LRP1B: variants seen among roughly 807,000 people sequenced by gnomAD.
LRP1B encodes the protein LDL receptor related protein 1B, also known as low-density lipoprotein receptor-related protein 1B.
In LRP1B, 217 loss-of-function variants were observed where a neutral mutation model predicts 556.6. The ratio of observed to expected loss-of-function variants is 0.39; its 90% CI spans 0.35 to 0.44. LRP1B has a LOEUF of 0.44. Ranked by LOEUF, LRP1B falls within the 20% of genes least tolerant of loss-of-function variation. LRP1B has a pLI of 1.00. For missense variants in LRP1B, 5,053 were observed against 5,620.8 expected (o/e 0.90, Z 3.23); for synonymous variants, 2,047 against 1,865.8 (o/e 1.10, Z -2.50).
chr2:142,002,475 G>A (rs571792595), intron 1 of LRP1B, among the ~76,000 whole-genome samples: 1 of 151,698 alleles, frequency 6.6e-6, no homozygotes, highest in South Asian at 2.1e-4. Context: ...AAGGATAAGT[G>A]CTGCTAGCCC....
rs1030060640 is a variant in LRP1B at position 142,056,385 on chromosome 2, C to T, written c.82+74263G>A. Among the ~76,000 whole-genome samples, 5 of 151,898 alleles carry T rather than the reference C, an allele frequency of 3.3e-5. No individual in the cohort carries two copies. In the East Asian group the frequency reaches 5.8e-4, roughly 18 times the overall value. On this transcript the variant is annotated intron_variant, in intron 1 of 90. Coordinates refer to ENST00000389484, the MANE Select transcript of LRP1B (RefSeq NM_018557.3). ...ATGATGCCAGAGAAAACAATTCTGT[C>T]CTAATTATATGGGGAGTCACAAAAC...
Position 141,639,349 on chromosome 2 carries a change from T to TATATACACACAC in LRP1B, c.206-158817_206-158816insGTGTGTGTATAT, listed in dbSNP as rs1262198983. Among the ~76,000 whole-genome samples the TATATACACACAC allele has an allele frequency of 3.0e-3, 167 of 56,062 alleles. 2 individuals carry two copies. The highest frequency in any genetic ancestry group is 4.0e-3 in the Non-Finnish European group (125 of 31,290). The allele number at this position is 56,062 out of a possible 152,430, so 36.8% of individuals were successfully genotyped here. A position where few individuals can be genotyped will look rare whatever the true frequency, so the allele number is the denominator to read the frequency against. Reference sequence around the variant, plus strand: ...ATATATATATATATATATATATATATACACACACACACACATATATATATA... The same window carrying TATATACACACAC: ...ATATATATATATATATATATATATATATATACACACACACACACACACACACATATATATATA... On this transcript the variant is annotated intron_variant, in intron 2 of 90. Coordinates refer to ENST00000389484, the MANE Select transcript of LRP1B (RefSeq NM_018557.3).
intron 20 of LRP1B, among the ~76,000 whole-genome samples, chr2:140,928,053 AT>A: frequency 6.6e-6 from 1 of 151,878 alleles, no homozygotes. Flanking sequence ...GTCAGCAGGC[AT>A]TTTTTAGGCA....
rs148610209 is a variant in LRP1B, at chr2:140,514,660, G to A, written c.8262C>T (p.Ser2754=). ...DCGDGLDESD[S]ICGAITCAAD... ...AGAAGATACACAACTTACCACAAAT[G>A]CTGTCACTTTCATCTAACCCATCCC... Residue 2754 remains serine, a synonymous_variant, in exon 51 of 91, where the codon AGC becomes AGT. Transcript: ENST00000389484. 2.6e-4 allele frequency: 411 copies of A among 1,608,868 alleles called. 1 individual carries two copies. In the African/African-American group the frequency reaches 4.7e-3, roughly 19 times the overall value.
At chr2:140,640,385 T>C (rs1466456592) in intron 41 of LRP1B, among the ~76,000 whole-genome samples, 4 of 32,554 alleles carry the variant, frequency 1.2e-4, no homozygotes, top group South Asian at 1.3e-3. Flanking sequence ...CCTGTTTTCT[T>C]TTTTTTTTTT....
intron 3 of LRP1B, among the ~76,000 whole-genome samples, chr2:141,457,205 A>G (rs1681667464): frequency 6.6e-6 from 1 of 152,188 alleles, no homozygotes; most frequent in Admixed American, 6.6e-5. Flanking sequence ...AGGGAAGGGA[A>G]AGGAAATATT....
intron 35 of LRP1B, among the ~76,000 whole-genome samples, chr2:140,743,990 AAG>A (rs1559090742): frequency 4.6e-5 from 2 of 43,682 alleles, no homozygotes; most frequent in Non-Finnish European, 8.0e-5. Context: ...AAAAAAAAAA[AAG>A]TAAAAAGTAA....
At chr2:141,311,922 T>C (rs764381717) in intron 3 of LRP1B, among the ~76,000 whole-genome samples, 1 of 152,156 alleles carries the variant, frequency 6.6e-6, no homozygotes, top group African/African-American at 2.4e-5. Flanking sequence ...GGAAGCTCCT[T>C]TGGGACAGGG....
At chr2:141,723,878 T>A (rs1692933348) in intron 2 of LRP1B, among the ~76,000 whole-genome samples, 1 of 151,752 alleles carries the variant, frequency 6.6e-6, no homozygotes, top group Non-Finnish European at 1.5e-5. Flanking sequence ...ATATATATAT[T>A]CTTACTCAAT....
intron 1 of LRP1B, among the ~76,000 whole-genome samples, chr2:141,831,615 A>C (rs1001685306): frequency 1.3e-5 from 2 of 151,706 alleles, no homozygotes; most frequent in East Asian, 1.9e-4. Flanking sequence ...CTGAAATAAT[A>C]ATTAAAACAT....
intron 3 of LRP1B, among the ~76,000 whole-genome samples, chr2:141,332,448 G>GAAAA (rs59675152): frequency 2.9e-5 from 4 of 138,996 alleles, no homozygotes; most frequent in Non-Finnish European, 4.6e-5. Context: ...ATATCTAACT[G>GAAAA]AAAAAAAAAA....
chr2:141,812,426 T>C (rs965090989), intron 1 of LRP1B, among the ~76,000 whole-genome samples: 7 of 152,146 alleles, frequency 4.6e-5, no homozygotes, highest in Non-Finnish European at 7.4e-5. Flanking sequence ...TTGCGTTTGA[T>C]CTACGGTCTT....
At chr2:140,251,937 C>T (rs937685448) in intron 86 of LRP1B, among the ~76,000 whole-genome samples, 1 of 150,910 alleles carries the variant, frequency 6.6e-6, no homozygotes, top group Admixed American at 6.6e-5. Context: ...TCAAATTACA[C>T]TCTTTTGGTG....
intron 7 of LRP1B, among the ~76,000 whole-genome samples, chr2:141,069,472 G>A (rs1323217438): frequency 2.6e-5 from 4 of 152,004 alleles, no homozygotes; most frequent in African/African-American, 9.7e-5. Context: ...TCCCTAGATT[G>A]TCATTGTCTG....
At chr2:140,941,549 T>A (rs1695402956) in intron 20 of LRP1B, among the ~76,000 whole-genome samples, 1 of 152,164 alleles carries the variant, frequency 6.6e-6, no homozygotes, top group Non-Finnish European at 1.5e-5. Context: ...AAAGCCTACC[T>A]GCCAGCCCTT....
At chr2:141,492,091 A>AAAAAAAAAAAAAAAAAAAAAAAAAAC (rs67960557) in intron 2 of LRP1B, among the ~76,000 whole-genome samples, 2 of 100,196 alleles carry the variant, frequency 2.0e-5, no homozygotes, top group African/African-American at 3.9e-5. Context: ...AAAAAAAAAA[A>AAAAAAAAAAAAAAAAAAAAAAAAAAC]CACTAAGAAA....
At chr2:141,745,523 T>C (rs1693883860) in intron 2 of LRP1B, among the ~76,000 whole-genome samples, 1 of 151,882 alleles carries the variant, frequency 6.6e-6, no homozygotes, top group Admixed American at 6.6e-5. Context: ...GCCCAGGGCC[T>C]CTTTAGTCAG....
At chr2:140,538,927 CA>C (rs1230150532) in intron 45 of LRP1B, among the ~76,000 whole-genome samples, 2 of 152,032 alleles carry the variant, frequency 1.3e-5, no homozygotes, top group Admixed American at 6.6e-5. Context: ...TTACATTATG[CA>C]AAAACAAACA....
intron 84 of LRP1B, among the ~76,000 whole-genome samples, chr2:140,294,102 C>T (rs554979919): frequency 2.6e-5 from 4 of 152,070 alleles, no homozygotes; most frequent in Non-Finnish European, 4.4e-5. Flanking sequence ...ACTATGGCCA[C>T]ATAATATTTT....
Sources: gnomAD v4.1 joint callset for allele counts (sites outside exome capture counted in the v4.1 genomes callset) on GRCh38, gnomAD v4.1.1 for gene constraint, MANE v1.5 for transcripts, NCBI Gene and HGNC (gene_info 2026-07-23, HGNC 2026-07-21) for gene names.